SEMA3C: variants seen among roughly 807,000 people sequenced by gnomAD.
The protein encoded by SEMA3C is semaphorin 3C.
Under a neutral mutation model 89.4 loss-of-function variants are expected in SEMA3C, and 47 were observed. The observed-to-expected ratio is 0.53, with a 90% CI of 0.42 to 0.67. The LOEUF (loss-of-function observed/expected upper bound fraction) is 0.67. SEMA3C is among the 30% of genes least tolerant of loss of function. The pLI, the probability that SEMA3C is intolerant of heterozygous loss-of-function variation, is 0.00. For missense variants in SEMA3C, 839 were observed against 929.1 expected, an observed-to-expected ratio of 0.90 and a Z score of 1.26; for synonymous variants, 310 against 320.2, an observed-to-expected ratio of 0.97 and a Z score of 0.34.
rs144517871 is a variant in SEMA3C, at chr7:80,918,075, A to C, written c.-39+753T>G. On this transcript the variant is annotated intron_variant, in intron 1 of 17. Coordinates refer to ENST00000265361, the MANE Select transcript of SEMA3C (RefSeq NM_006379.5). ...TGTTTGTGTTGGTAATTTTCAAAAG[A>C]AACAGTTTCTTCCTGCTTCCACAAC... Among the ~76,000 whole-genome samples the C allele has an allele frequency of 0.011, 1,716 of 152,300 alleles. 27 individuals carry two copies. Among genetic ancestry groups the C allele is most frequent in the Non-Finnish European group, 0.012 (819 of 68,032 alleles).
chr7:80,765,536 A>G (rs1375271844), intron 12 of SEMA3C, among the ~76,000 whole-genome samples: 1 of 152,038 alleles, frequency 6.6e-6, no homozygotes, highest in Non-Finnish European at 1.5e-5. Context: ...CCAAATGTGT[A>G]TTCTTATAAT....
chr7:80,777,318 G>A (rs766149862), intron 12 of SEMA3C, among the ~76,000 whole-genome samples: 4 of 151,518 alleles, frequency 2.6e-5, no homozygotes, highest in Non-Finnish European at 4.4e-5. Flanking sequence ...TTTAGACGGC[G>A]TCTGGCTCTG....
chr7:80,823,151 G>A (rs1030608613), intron 4 of SEMA3C, among the ~76,000 whole-genome samples: 4 of 152,262 alleles, frequency 2.6e-5, no homozygotes, highest in South Asian at 4.1e-4. Context: ...AAATTGTTAA[G>A]AGTGATTATG....
chr7:80,792,165 G>T (rs1013242871), intron 11 of SEMA3C, among the ~76,000 whole-genome samples: 5 of 152,076 alleles, frequency 3.3e-5, no homozygotes, highest in Non-Finnish European at 5.9e-5. Context: ...TTTACAAACT[G>T]CTCACAACAA....
At chr7:80,863,019 G>A (rs1367246631) in intron 2 of SEMA3C, among the ~76,000 whole-genome samples, 4 of 151,978 alleles carry the variant, frequency 2.6e-5, no homozygotes, top group Non-Finnish European at 5.9e-5. Context: ...AACCCTTCTA[G>A]ACTAAGGCAA....
At chr7:80,890,756 A>C (rs970975725) in intron 2 of SEMA3C, among the ~76,000 whole-genome samples, 1 of 152,202 alleles carries the variant, frequency 6.6e-6, no homozygotes, top group African/African-American at 2.4e-5. Context: ...ATAACGTCCT[A>C]GCTAATATGA....
At chr7:80,837,355 A>G (rs985719699) in intron 2 of SEMA3C, among the ~76,000 whole-genome samples, 8 of 152,254 alleles carry the variant, frequency 5.3e-5, no homozygotes, top group Admixed American at 3.3e-4. Context: ...TATAAATAGA[A>G]TAAGTCTTTT....
chr7:80,902,212 C>A (rs1026426742), intron 2 of SEMA3C, among the ~76,000 whole-genome samples: 1 of 152,180 alleles, frequency 6.6e-6, no homozygotes, highest in Non-Finnish European at 1.5e-5. Context: ...CTTGGCCTCT[C>A]AAAAGGTTGG....
intron 4 of SEMA3C, among the ~76,000 whole-genome samples, chr7:80,819,579 A>G (rs139673614): frequency 2.6e-5 from 4 of 152,272 alleles, no homozygotes; most frequent in Admixed American, 6.5e-5. Context: ...CAGCATAATG[A>G]TTGCCTTCTA....
At chr7:80,896,579 C>A (rs1791742830) in intron 2 of SEMA3C, among the ~76,000 whole-genome samples, 2 of 152,104 alleles carry the variant, frequency 1.3e-5, no homozygotes, top group South Asian at 4.1e-4. Context: ...TTGTCTTAGC[C>A]TCCTAAATCA....
chr7:80,807,071 C>CA (rs918684029), intron 6 of SEMA3C, among the ~76,000 whole-genome samples: 1 of 148,336 alleles, frequency 6.7e-6, no homozygotes, highest in African/African-American at 2.5e-5. Context: ...TGTATGAAGG[C>CA]TTTTTTTTTT....
chr7:80,779,967 T>A (rs2117090605), intron 12 of SEMA3C, among the ~76,000 whole-genome samples: 1 of 152,270 alleles, frequency 6.6e-6, no homozygotes, highest in South Asian at 2.1e-4. Context: ...AACTGAATTT[T>A]GCCAAAAACC....
chr7:80,816,002 T>A (rs1583905213), intron 5 of SEMA3C: 1 of 152,130 alleles, frequency 6.6e-6, no homozygotes, highest in African/African-American at 2.4e-5. Flanking sequence ...TTGTATTGCT[T>A]TATCTTTTTC....
intron 14 of SEMA3C, among the ~76,000 whole-genome samples, chr7:80,760,892 C>T (rs563244273): frequency 1.3e-5 from 2 of 152,130 alleles, no homozygotes; most frequent in Admixed American, 6.5e-5. Context: ...GAAGCCTACT[C>T]CATTCTCACT....
intron 9 of SEMA3C, among the ~76,000 whole-genome samples, chr7:80,802,193 C>T (rs988150020): frequency 1.3e-5 from 2 of 151,992 alleles, no homozygotes; most frequent in African/African-American, 2.4e-5. Context: ...CTCAGAGTCA[C>T]CAAGCAGAAC....
At chr7:80,770,819 G>A (rs995183131) in intron 12 of SEMA3C, among the ~76,000 whole-genome samples, 2 of 152,234 alleles carry the variant, frequency 1.3e-5, no homozygotes, top group South Asian at 2.1e-4. Context: ...AATGAGGTAA[G>A]TGAGCCTCTT....
Position 80,874,713 on chromosome 7 carries a change from C to T in SEMA3C, c.103+41966G>A, listed in dbSNP as rs375217221. On this transcript the variant is annotated intron_variant, in intron 2 of 17. Coordinates refer to ENST00000265361, the MANE Select transcript of SEMA3C (RefSeq NM_006379.5). The stretch of plus-strand genomic sequence containing the variant: ...GAACTCCTGACCTCAGTTAATCCAC[C>T]CACCTCGGCCTCCCAAAGTGCAGGG... Among the ~76,000 whole-genome samples, 116 of 152,052 alleles carry T rather than the reference C, an allele frequency of 7.6e-4. 4 individuals carry two copies. In the South Asian group the frequency reaches 0.023, roughly 31 times the overall value.
chr7:80,902,403 A>C (rs924390115), intron 2 of SEMA3C, among the ~76,000 whole-genome samples: 2 of 152,220 alleles, frequency 1.3e-5, no homozygotes, highest in African/African-American at 4.8e-5. Context: ...TCAGTTACAC[A>C]GTTTTTTCCC....
At chr7:80,858,507 T>C (rs1790695419) in intron 2 of SEMA3C, among the ~76,000 whole-genome samples, 1 of 152,048 alleles carries the variant, frequency 6.6e-6, no homozygotes, top group Non-Finnish European at 1.5e-5. Flanking sequence ...GAGATTAGAG[T>C]TTTAGGTTGT....
Sources: gnomAD v4.1 joint callset for allele counts (sites outside exome capture counted in the v4.1 genomes callset) on GRCh38, gnomAD v4.1.1 for gene constraint, MANE v1.5 for transcripts, NCBI Gene and HGNC (gene_info 2026-07-23, HGNC 2026-07-21) for gene names.